Variants in ATP7B observed in about 807,000 individuals in gnomAD.
ATP7B encodes ATPase copper transporting beta.
Under a neutral mutation model 118.9 loss-of-function variants are expected in ATP7B, and 113 were observed. The ratio of observed to expected loss-of-function variants is 0.95; its 90% CI spans 0.82 to 1.11. The LOEUF is 1.11. ATP7B is among the 50% of genes most tolerant of loss of function. The pLI, the probability that ATP7B is intolerant of heterozygous loss-of-function variation, is 0.00. For synonymous variants in ATP7B, 777 were observed against 727.4 expected (o/e 1.07, Z -1.10); for missense variants, 1,867 against 1,871.4 (o/e 1.00, Z 0.04).
chr13:51,987,682 C>T (rs1438358059), intron 1 of ATP7B, among the ~76,000 whole-genome samples: 2 of 152,260 alleles, frequency 1.3e-5, no homozygotes, highest in Non-Finnish European at 2.9e-5. Context: ...GCTATAGTAA[C>T]CAAAACAGCA....
At chr13:52,007,338 C>T (rs1953822631) in intron 1 of ATP7B, among the ~76,000 whole-genome samples, 3 of 152,154 alleles carry the variant, frequency 2.0e-5, no homozygotes, top group African/African-American at 4.8e-5. Context: ...CCTAGATCTG[C>T]CTCTTATAAG....
In ATP7B at chr13:51,950,039, C is replaced by G. The variant is rs979630897; in HGVS notation, c.2698G>C (p.Val900Leu). The G allele has an allele frequency of 3.1e-6, 5 of 1,614,228 alleles. No individual in the cohort carries two copies. The highest frequency in any genetic ancestry group is 4.2e-6 in the Non-Finnish European group (5 of 1,180,046). ...ATCTGAGCCTCTTCCACCAGTTTCA[C>G]AATCTGAGCCAAAGTGGTGTCATTG... ...VGNDTTLAQI[V>L]KLVEEAQMSK... The change falls in exon 11 of 21, where the codon GTG (valine) becomes CTG (leucine). Residue 900 changes from valine to leucine, a missense_variant. Coordinates refer to ENST00000242839, the MANE Select transcript of ATP7B (RefSeq NM_000053.4).
intron 19 of ATP7B, among the ~76,000 whole-genome samples, chr13:51,936,317 A>G (rs1956957822): frequency 6.6e-6 from 1 of 152,100 alleles, no homozygotes; most frequent in South Asian, 2.1e-4. Flanking sequence ...CTGTTACACA[A>G]GTCACCACTA....
chr13:52,001,331 G>A (rs1439533375), intron 1 of ATP7B, among the ~76,000 whole-genome samples: 6 of 152,094 alleles, frequency 3.9e-5, no homozygotes, highest in Non-Finnish European at 7.4e-5. Context: ...GCCTCTAGGG[G>A]GTTCCCATGT....
intron 1 of ATP7B, among the ~76,000 whole-genome samples, chr13:52,010,642 T>C (rs7321120): frequency 0.63 from 96,383 of 152,078 alleles, 32,233 homozygotes; most frequent in Non-Finnish European, 0.75. Flanking sequence ...CTCATACAAA[T>C]GAAACCTAAA....
chr13:52,000,612 A>G (rs1219524070), intron 1 of ATP7B, among the ~76,000 whole-genome samples: 1 of 152,178 alleles, frequency 6.6e-6, no homozygotes, highest in Non-Finnish European at 1.5e-5. Flanking sequence ...CTTGTCTACA[A>G]CAGAGCTCTC....
chr13:51,940,253 T>C (rs1258170060), intron 16 of ATP7B, among the ~76,000 whole-genome samples: 3 of 148,488 alleles, frequency 2.0e-5, no homozygotes, highest in Non-Finnish European at 4.5e-5. Context: ...CCTCAGGTGA[T>C]CCACCCACCT....
At chr13:51,970,466 G>A in intron 3 of ATP7B, 26 bp downstream of exon 3, 1 of 1,614,076 alleles carries the variant, frequency 6.2e-7, no homozygotes, top group South Asian at 1.1e-5. Flanking sequence ...GCATTCCTAA[G>A]TTCAACATGG....
intron 1 of ATP7B, among the ~76,000 whole-genome samples, chr13:51,992,979 C>CAAAA (rs58319382): frequency 0.08 from 5,005 of 62,752 alleles, 576 homozygotes; most frequent in Middle Eastern, 0.15. Flanking sequence ...GACTCTGTCT[C>CAAAA]AAAAAAAAAA....
Position 51,942,431 on chromosome 13 carries a change from G to A in ATP7B, c.3367C>T (p.Pro1123Ser). Residue 1123 changes from proline (P) to serine (S), a missense_variant, in exon 15 of 21, where the codon CCG (proline) becomes TCG (serine). Physicochemically the swap from Pro to Ser is moderately conservative, Grantham distance 74. Transcript: ENST00000242839. ...LAHSERPLSA[P>S]ASHLNEAGSL... ...CCAGCCTCATTCAGGTGACTGGCCG[G>A]TGCACTCAAAGGGCGCTCACTGTGG... 6.2e-7 allele frequency: 1 copy of A among 1,614,232 alleles called. No individual in the cohort carries two copies. Among genetic ancestry groups the A allele is most frequent in the Non-Finnish European group, 8.5e-7 (1 of 1,180,042 alleles).
At chr13:52,001,650 C>A (rs991923474) in intron 1 of ATP7B, among the ~76,000 whole-genome samples, 3 of 152,158 alleles carry the variant, frequency 2.0e-5, no homozygotes, top group Non-Finnish European at 2.9e-5. Context: ...TTCATACACT[C>A]CCAATTCCCT....
At chr13:51,958,979 T>TA (rs1002389416) in intron 7 of ATP7B, 8 of 216,302 alleles carry the variant, frequency 3.7e-5, no homozygotes, top group African/African-American at 9.1e-5. Context: ...CCATTTCAGT[T>TA]AAAAAAGTCT....
At chr13:51,992,763 A>G (rs796898397) in intron 1 of ATP7B, among the ~76,000 whole-genome samples, 4 of 152,146 alleles carry the variant, frequency 2.6e-5, no homozygotes, top group African/African-American at 9.6e-5. Context: ...GGATCACTTG[A>G]GCTCAGGAGT....
chr13:51,964,884 G>T lies in ATP7B; in HGVS notation c.1857C>A (p.Ile619=), dbSNP rs765501756. The stretch of plus-strand genomic sequence containing the variant: ...ATGAATTACTTACCTCAATAATTTT[G>T]ATAATATCCCGTGGACCGATAATTT... The part of the protein sequence containing the change: ...DPEIIGPRDI[I]KIIEEIGFHA... Residue 619 remains isoleucine, a synonymous_variant, in exon 5 of 21, where the codon ATC becomes ATA. Transcript: ENST00000242839. 1.2e-6 allele frequency: 2 copies of T among 1,614,044 alleles called. No homozygotes were observed. The highest frequency in any genetic ancestry group is 1.7e-6 in the Non-Finnish European group (2 of 1,179,972).
intron 1 of ATP7B, among the ~76,000 whole-genome samples, chr13:51,984,297 A>G (rs1390133358): frequency 6.6e-6 from 1 of 152,176 alleles, no homozygotes; most frequent in Non-Finnish European, 1.5e-5. Flanking sequence ...AAATCGATCA[A>G]GCAGAAGAAA....
intron 1 of ATP7B, among the ~76,000 whole-genome samples, chr13:52,005,890 G>A (rs886835703): frequency 6.6e-6 from 1 of 152,186 alleles, no homozygotes; most frequent in Non-Finnish European, 1.5e-5. Flanking sequence ...AATCTCTGCA[G>A]CACTGTGAAA....
chr13:52,003,559 A>ATATG (rs1335125479), intron 1 of ATP7B, among the ~76,000 whole-genome samples: 1 of 152,210 alleles, frequency 6.6e-6, no homozygotes, highest in African/African-American at 2.4e-5. Flanking sequence ...TGAAGTGAGT[A>ATATG]TATGCTGTTA....
chr13:51,950,938 G>C (rs531298507), intron 9 of ATP7B, among the ~76,000 whole-genome samples: 3 of 152,130 alleles, frequency 2.0e-5, no homozygotes, highest in African/African-American at 7.2e-5. Context: ...CAGGAAGTAA[G>C]TGACGTGCAA....
chr13:51,961,672 C>T (rs934037354), intron 6 of ATP7B, among the ~76,000 whole-genome samples, 165 bp downstream of exon 6: 5 of 152,216 alleles, frequency 3.3e-5, no homozygotes, highest in Non-Finnish European at 7.4e-5. Context: ...CATTCCAGAA[C>T]TTCTTTTGGA....
Sources: gnomAD v4.1 joint callset for allele counts (sites outside exome capture counted in the v4.1 genomes callset) on GRCh38, gnomAD v4.1.1 for gene constraint, MANE v1.5 for transcripts, NCBI Gene and HGNC (gene_info 2026-07-23, HGNC 2026-07-21) for gene names.